Variants in ZNF273 observed in about 807,000 individuals in gnomAD.
The protein encoded by ZNF273 is zinc finger protein 273.
ZNF273 carries 11 observed loss-of-function variants against 14.9 expected under a neutral mutation model. The observed-to-expected ratio is 0.74, with a 90% confidence interval of 0.46 to 1.22. The LOEUF is 1.22. Ranked by LOEUF, ZNF273 falls within the 50% of genes most tolerant of loss-of-function variation. The pLI is 0.00. For missense variants in ZNF273, 577 were observed against 660.6 expected (o/e 0.87, Z 1.39); for synonymous variants, 199 against 223.9 (o/e 0.89, Z 0.99).
At chr7:64,891,815 C>T (rs1792056234), downstream of ZNF273, among the ~76,000 whole-genome samples, 1 of 152,194 alleles carries the variant, frequency 6.6e-6, no homozygotes, top group South Asian at 2.1e-4. Context: ...GTGCTGAAAT[C>T]CACATTTATC....
intron 3 of ZNF273, among the ~76,000 whole-genome samples, chr7:64,926,764 G>A (rs909823528): frequency 2.0e-5 from 3 of 152,114 alleles, no homozygotes; most frequent in Non-Finnish European, 4.4e-5. Flanking sequence ...AGAGATTTTG[G>A]TAGTCTCTCA....
At chr7:64,909,858 T>G (rs562386332) in intron 1 of ZNF273, among the ~76,000 whole-genome samples, 1 of 152,196 alleles carries the variant, frequency 6.6e-6, no homozygotes, top group Admixed American at 6.5e-5. Flanking sequence ...TGTTTGTTTG[T>G]TTTTGTCTTT....
chr7:64,880,456 G>C (rs1218729735), downstream of ZNF273, among the ~76,000 whole-genome samples: 3 of 152,140 alleles, frequency 2.0e-5, no homozygotes, highest in Admixed American at 6.5e-5. Flanking sequence ...CGGGCTGGGT[G>C]TTTCTGCGGG....
chr7:64,928,918 T>C lies in ZNF273; in HGVS notation c.1590T>C (p.Thr530=). The change falls in exon 4 of 4, where the codon ACT becomes ACC. Residue 530 remains threonine, a synonymous_variant. Coordinates refer to ENST00000476120, the MANE Select transcript of ZNF273 (RefSeq NM_021148.3). ...GKAFNRSSNL[T]RHKKIHTGEK... ...CTTTTAACCGGTCCTCAAACCTTAC[T>C]CGACATAAGAAAATTCATACTGGAG... 1.2e-6 allele frequency: 2 copies of C among 1,613,934 alleles called. No individual in the cohort carries two copies. Among genetic ancestry groups the C allele is most frequent in the South Asian group, 1.1e-5 (1 of 91,056 alleles).
chr7:64,911,339 C>CTGCAT (rs1793496997), intron 1 of ZNF273, among the ~76,000 whole-genome samples: 1 of 151,042 alleles, frequency 6.6e-6, no homozygotes, highest in African/African-American at 2.4e-5. Flanking sequence ...TCTCAGCTCA[C>CTGCAT]TGCAGCCTCT....
At chr7:64,881,194 C>G (rs1009276294), downstream of ZNF273, among the ~76,000 whole-genome samples, 18 of 152,226 alleles carry the variant, frequency 1.2e-4, no homozygotes, top group African/African-American at 2.2e-4. Context: ...GGCCAGCTCC[C>G]GATTTCCGCA....
downstream of ZNF273, among the ~76,000 whole-genome samples, chr7:64,881,492 G>T (rs1213296598): frequency 6.6e-6 from 1 of 152,236 alleles, no homozygotes; most frequent in Non-Finnish European, 1.5e-5. Context: ...AGGAAGCTCT[G>T]GTTTTCCCAC....
At chr7:64,927,211 G>A (rs28591657) in intron 3 of ZNF273, among the ~76,000 whole-genome samples, 6,391 of 152,218 alleles carry the variant, frequency 0.042, 159 homozygotes, top group Middle Eastern at 0.082. Flanking sequence ...TCCTGCCTCA[G>A]CCTCCTGAGT....
intron 2 of ZNF273, among the ~76,000 whole-genome samples, chr7:64,878,991 C>A (rs974090992): frequency 1.3e-5 from 2 of 152,202 alleles, no homozygotes; most frequent in Non-Finnish European, 2.9e-5. Flanking sequence ...CAGTTATTTC[C>A]ACCAACATGG....
chr7:64,883,305 G>A (rs1791371980), downstream of ZNF273, among the ~76,000 whole-genome samples: 1 of 150,574 alleles, frequency 6.6e-6, no homozygotes, highest in African/African-American at 2.4e-5. Context: ...CTTTTCCGGT[G>A]GCCAACCCAG....
At chr7:64,904,369 C>A (rs1268064862) in intron 1 of ZNF273, among the ~76,000 whole-genome samples, 1 of 152,188 alleles carries the variant, frequency 6.6e-6, no homozygotes. Context: ...GGACTACAGG[C>A]GTGAGCCACC....
At chr7:64,926,988 A>G (rs930909494) in intron 3 of ZNF273, among the ~76,000 whole-genome samples, 3 of 152,200 alleles carry the variant, frequency 2.0e-5, no homozygotes, top group Non-Finnish European at 4.4e-5. Context: ...TGCATTTGTC[A>G]GGAGAGACAG....
intron 3 of ZNF273, among the ~76,000 whole-genome samples, chr7:64,926,747 C>T (rs1382770869): frequency 6.6e-6 from 1 of 152,160 alleles, no homozygotes; most frequent in African/African-American, 2.4e-5. Context: ...AACCAACTGT[C>T]TTGGCTAGAG....
chr7:64,931,903 C>T (rs111426250), downstream of ZNF273, among the ~76,000 whole-genome samples: 3 of 152,112 alleles, frequency 2.0e-5, no homozygotes, highest in East Asian at 3.9e-4. Flanking sequence ...TGAATTCTGC[C>T]GAATTTAAAG....
At chr7:64,885,295 GACCTTAAA>G (rs2129034380) in intron 1 of ZNF273, among the ~76,000 whole-genome samples, 1 of 152,326 alleles carries the variant, frequency 6.6e-6, no homozygotes, top group South Asian at 2.1e-4. Context: ...AAGGTGCTGT[GACCTTAAA>G]CAAGTCACTG....
intron 1 of ZNF273, chr7:64,917,038 A>T: frequency 2.3e-6 from 3 of 1,281,924 alleles, no homozygotes; most frequent in Non-Finnish European, 3.0e-6. Context: ...AGGCCAGAAA[A>T]ACTGGGAAAA....
At chr7:64,916,542 C>CAAAAAAA (rs10712527) in intron 1 of ZNF273, among the ~76,000 whole-genome samples, 1 of 84,378 alleles carries the variant, frequency 1.2e-5, no homozygotes, top group African/African-American at 5.1e-5. Context: ...AAAACTGTCT[C>CAAAAAAA]AAAAAAAAAA....
chr7:64,877,773 G>C (rs1791154558), exon 1 of ZNF273: 1 of 152,372 alleles, frequency 6.6e-6, no homozygotes, highest in Non-Finnish European at 1.5e-5. Flanking sequence ...CGGAGCCCAA[G>C]GGATACAGCG....
At chr7:64,922,161 G>A (rs1298071810) in intron 3 of ZNF273, among the ~76,000 whole-genome samples, 3 of 140,950 alleles carry the variant, frequency 2.1e-5, no homozygotes, top group African/African-American at 7.9e-5. Context: ...ATTTATTTTC[G>A]AGATAGGATC....
Sources: gnomAD v4.1 joint callset for allele counts (sites outside exome capture counted in the v4.1 genomes callset) on GRCh38, gnomAD v4.1.1 for gene constraint, MANE v1.5 for transcripts, NCBI Gene and HGNC (gene_info 2026-07-23, HGNC 2026-07-21) for gene names.